Variants in TET2 observed in about 807,000 individuals in gnomAD.
TET2 encodes tet methylcytosine dioxygenase 2.
TET2 carries 299 observed loss-of-function variants against 142.9 expected under a neutral mutation model. The observed-to-expected ratio is 2.09, with a 90% CI of 1.90 to 2.30. The LOEUF (loss-of-function observed/expected upper bound fraction) is 2.30, where lower values mean the gene tolerates loss of function less well. TET2 is among the 30% of genes most tolerant of loss of function. TET2 has a pLI of 0.00. For synonymous variants in TET2, 819 were observed against 849.0 expected, an observed-to-expected ratio of 0.96 and a Z score of 0.61; for missense variants, 2,418 against 2,378.0, an observed-to-expected ratio of 1.02 and a Z score of -0.35.
intron 1 of TET2, among the ~76,000 whole-genome samples, chr4:105,150,904 A>T (rs1170990617): frequency 6.6e-6 from 1 of 152,234 alleles, no homozygotes; most frequent in Non-Finnish European, 1.5e-5. Flanking sequence ...AAAAAGAATT[A>T]TGTATGTCTG....
At chr4:105,219,091 TGAAA>T (rs2110575989) in intron 2 of TET2, among the ~76,000 whole-genome samples, 1 of 152,188 alleles carries the variant, frequency 6.6e-6, no homozygotes, top group South Asian at 2.1e-4. Flanking sequence ...GTTTATGTTA[TGAAA>T]TAATGTTGGC....
intron 8 of TET2, among the ~76,000 whole-genome samples, 186 bp from the exon 9 acceptor site, chr4:105,269,424 C>A (rs1415073958): frequency 6.6e-6 from 1 of 152,118 alleles, no homozygotes; most frequent in Non-Finnish European, 1.5e-5. Context: ...CTCAATAACA[C>A]TATAAAATAA....
At chr4:105,218,127 G>T (rs1457728778) in intron 2 of TET2, among the ~76,000 whole-genome samples, 1 of 152,024 alleles carries the variant, frequency 6.6e-6, no homozygotes, top group Non-Finnish European at 1.5e-5. Flanking sequence ...ACTGTCCAGG[G>T]TACTTGCTTT....
chr4:105,249,192 A>G (rs1377054012), intron 6 of TET2, among the ~76,000 whole-genome samples: 1 of 151,748 alleles, frequency 6.6e-6, no homozygotes, highest in Non-Finnish European at 1.5e-5. Context: ...ACACCCAGCT[A>G]ATTTTTGTAT....
intron 1 of TET2, among the ~76,000 whole-genome samples, chr4:105,168,101 G>A (rs1578550438): frequency 6.6e-6 from 1 of 152,130 alleles, no homozygotes; most frequent in Non-Finnish European, 1.5e-5. Context: ...GGGTTTCCCT[G>A]TTTCTAGCTT....
intron 2 of TET2, among the ~76,000 whole-genome samples, chr4:105,192,404 G>T (rs955185733): frequency 6.6e-6 from 1 of 152,060 alleles, no homozygotes; most frequent in African/African-American, 2.4e-5. Context: ...CATTTATTAG[G>T]AATGTGTTCT....
Position 105,269,665 on chromosome 4 carries a change from C to A in TET2, c.4100C>A (p.Pro1367Gln), listed in dbSNP as rs1560569394. The part of the protein sequence containing the change: ...ECRLGLKEGR[P>Q]FSGVTACLDF... The stretch of plus-strand genomic sequence containing the variant: ...CGTCTGGGTCTGAAGGAAGGCCGTC[C>A]ATTCTCAGGGGTCACTGCATGTTTG... Residue 1367 changes from proline to glutamine, a missense_variant, in exon 9 of 11, where the codon CCA becomes CAA. By Grantham distance (76) the Pro-to-Gln change is moderately conservative. Coordinates refer to ENST00000380013, the MANE Select transcript of TET2 (RefSeq NM_001127208.3). 1.3e-6 allele frequency: 2 copies of A among 1,551,574 alleles called. No individual in the cohort carries two copies. Among genetic ancestry groups the A allele is most frequent in the Non-Finnish European group, 1.7e-6 (2 of 1,146,936 alleles).
At chr4:105,180,834 T>C (rs1367969266) in intron 1 of TET2, among the ~76,000 whole-genome samples, 1 of 152,150 alleles carries the variant, frequency 6.6e-6, no homozygotes, top group Non-Finnish European at 1.5e-5. Context: ...AGACAGGGTT[T>C]CACGATGTTG....
intron 1 of TET2, among the ~76,000 whole-genome samples, chr4:105,185,362 C>T (rs573953977): frequency 6.6e-6 from 1 of 152,218 alleles, no homozygotes; most frequent in Non-Finnish European, 1.5e-5. Context: ...CTAAGGTAAA[C>T]AACTGATAGT....
Position 105,275,172 on chromosome 4 carries a change from A to G in TET2, c.4662A>G (p.Thr1554=), listed in dbSNP as rs1160112889. 2 of 1,552,196 alleles carry G rather than the reference A, an allele frequency of 1.3e-6. No homozygotes were observed. Among genetic ancestry groups the G allele is most frequent in the Non-Finnish European group, 1.7e-6 (2 of 1,147,076 alleles). ...AGCAGCAGCCACATCACCCTCAGAC[A>G]GAGTCTGTCAACTCTTATTCTGCTT... ...PQQQQPHHPQ[T]ESVNSYSASG... Residue 1554 remains threonine (T), a synonymous_variant, in exon 11 of 11, where the codon ACA becomes ACG. Transcript: ENST00000380013.
chr4:105,236,446 C>A lies in TET2; in HGVS notation c.2504C>A (p.Ser835Ter). 1 of 1,614,016 alleles carries A rather than the reference C, an allele frequency of 6.2e-7. No individual in the cohort carries two copies. Among genetic ancestry groups the A allele is most frequent in the Non-Finnish European group, 8.5e-7 (1 of 1,179,986 alleles). ...GCATGCAAAATACAGGTTTCTTGTT[C>A]AAACAATACACACCTAGTTTCAGAG... ...SSACKIQVSCSNNTHLVSENK... is the reference protein window; with the variant it reads ...SSACKIQVSC The change falls in exon 3 of 11, where the codon TCA (serine) becomes TAA (stop). Residue 835 changes from serine (S) to a stop codon, truncating the protein, a stop_gained. Coordinates refer to ENST00000380013, the MANE Select transcript of TET2 (RefSeq NM_001127208.3). LOFTEE classifies it high-confidence loss of function.
At chr4:105,171,726 T>C (rs1379706561) in intron 1 of TET2, 1 of 152,236 alleles carries the variant, frequency 6.6e-6, no homozygotes, top group East Asian at 1.9e-4. Context: ...ATGTACAATA[T>C]AGTACCTGGG....
chr4:105,154,944 G>A (rs1297991892), intron 1 of TET2, among the ~76,000 whole-genome samples: 2 of 152,030 alleles, frequency 1.3e-5, no homozygotes, highest in East Asian at 1.9e-4. Flanking sequence ...AGGATGGCTC[G>A]AGCCTGGGAA....
chr4:105,165,630 G>A lies in TET2; in HGVS notation c.-193+18651G>A, dbSNP rs187750491. Among the ~76,000 whole-genome samples, 5 of 152,242 alleles carry A rather than the reference G, an allele frequency of 3.3e-5. No homozygotes were observed. The East Asian group carries it at 7.7e-4, about 24-fold the overall frequency. On this transcript the variant is annotated intron_variant, in intron 1 of 10. Coordinates refer to ENST00000380013, the MANE Select transcript of TET2 (RefSeq NM_001127208.3). ...TTGAATTTCCCACAACAATTATCAC[G>A]CAAGCAAATGAATAGCAGACCCTCA...
chr4:105,234,176 T>A lies in TET2; in HGVS notation c.234T>A (p.Phe78Leu). 1.9e-6 allele frequency: 3 copies of A among 1,614,184 alleles called. No homozygotes were observed. The highest frequency in any genetic ancestry group is 2.5e-6 in the Non-Finnish European group (3 of 1,180,014). ...AGAATAGTCGTGTGAGTCCTGACTT[T>A]ACACAAGAAAGTAGAGGGTATTCCA... ...GSQNSRVSPD[F>L]TQESRGYSKC... The change falls in exon 3 of 11, where the codon TTT becomes TTA. Residue 78 changes from phenylalanine (F) to leucine (L), a missense_variant. Physicochemically the swap from Phe to Leu is conservative, Grantham distance 22 (BLOSUM62 0). Transcript: ENST00000380013.
In TET2 at chr4:105,237,030, C is replaced by A. The variant is rs780043982; in HGVS notation, c.3088C>A (p.Gln1030Lys). 1.9e-6 allele frequency: 3 copies of A among 1,614,038 alleles called. No individual in the cohort carries two copies. In the South Asian group the frequency reaches 3.3e-5, roughly 18 times the overall value. ...AAAGAGCATCATTGAGACCATGGAG[C>A]AGCATCTGAAGCAGTTTCACGCCAA... ...QQKSIIETME[Q>K]HLKQFHAKSL... Residue 1030 changes from glutamine (Q) to lysine (K), a missense_variant, in exon 3 of 11, where the codon CAG becomes AAG. Physicochemically the swap from Gln to Lys is moderately conservative, Grantham distance 53. Coordinates refer to ENST00000380013, the MANE Select transcript of TET2 (RefSeq NM_001127208.3).
chr4:105,172,263 C>T (rs1249955703), intron 1 of TET2, among the ~76,000 whole-genome samples: 1 of 152,148 alleles, frequency 6.6e-6, no homozygotes, highest in Admixed American at 6.5e-5. Flanking sequence ...TACTAATAGC[C>T]TGCTGTTGTC....
rs1488732362 is a variant in TET2, at chr4:105,275,081, A to C, written c.4571A>C (p.Gln1524Pro). Residue 1524 changes from glutamine (Q) to proline (P), a missense_variant, in exon 11 of 11, where the codon CAG becomes CCG. Transcript: ENST00000380013. ...LLRLSGPVMQ[Q>P]SQQPQPLQKQ... ...CGACTTTCAGGACCAGTCATGCAGCAGTCCCAGCAGCCCCAGCCTCTACAG... is the reference window on the plus strand; with the variant it reads ...CGACTTTCAGGACCAGTCATGCAGCCGTCCCAGCAGCCCCAGCCTCTACAG... The C allele has an allele frequency of 6.5e-7, 1 of 1,547,868 alleles. No individual in the cohort carries two copies. Among genetic ancestry groups the C allele is most frequent in the Non-Finnish European group, 8.7e-7 (1 of 1,145,092 alleles).
rs1466957727 is a variant in TET2, at chr4:105,269,650, T to C, written c.4085T>C (p.Leu1362Pro). The C allele has an allele frequency of 6.4e-7, 1 of 1,551,694 alleles. No homozygotes were observed. The highest frequency in any genetic ancestry group is 8.7e-7 in the Non-Finnish European group (1 of 1,146,962). The change falls in exon 9 of 11, where the codon CTG (leucine) becomes CCG (proline). Residue 1362 changes from leucine (L) to proline (P), a missense_variant. Coordinates refer to ENST00000380013, the MANE Select transcript of TET2 (RefSeq NM_001127208.3). ...AGAGCACCAGAGTGCCGTCTGGGTC[T>C]GAAGGAAGGCCGTCCATTCTCAGGG... is the stretch of plus-strand genomic sequence containing the variant. The part of the protein sequence containing the change: ...EHRAPECRLG[L>P]KEGRPFSGVT...
Sources: gnomAD v4.1 joint callset for allele counts (sites outside exome capture counted in the v4.1 genomes callset) on GRCh38, gnomAD v4.1.1 for gene constraint, MANE v1.5 for transcripts, NCBI Gene and HGNC (gene_info 2026-07-23, HGNC 2026-07-21) for gene names.